The following QSOX2 variants were observed in gnomAD, a reference collection of about 807,000 sequenced individuals.
QSOX2 encodes the protein quiescin sulfhydryl oxidase 2, also known as sulfhydryl oxidase 2.
In QSOX2, 46 loss-of-function variants were observed where a neutral mutation model predicts 61.7. The ratio of observed to expected loss-of-function variants is 0.75; its 90% confidence interval spans 0.59 to 0.95. The LOEUF is 0.95. QSOX2 is among the 40% of genes least tolerant of loss of function. The probability of loss-of-function intolerance (pLI) is 0.00; values close to 1 mark genes in which losing one functional copy is unlikely to be tolerated. For missense variants in QSOX2, 879 were observed against 918.9 expected (o/e 0.96, Z 0.56); for synonymous variants, 383 against 388.4 (o/e 0.99, Z 0.16).
At chr9:136,215,908 C>T (rs889262637) in intron 9 of QSOX2, among the ~76,000 whole-genome samples, 2 of 152,204 alleles carry the variant, frequency 1.3e-5, no homozygotes, top group African/African-American at 4.8e-5. Context: ...CTCCCATGAC[C>T]TCGAGCTCGG....
rs966497517 is a variant in QSOX2, at chr9:136,223,504, T to C, written c.675+259A>G. Among the ~76,000 whole-genome samples, 1 of 152,094 alleles carries C rather than the reference T, an allele frequency of 6.6e-6. No individual in the cohort carries two copies. Among genetic ancestry groups the C allele is most frequent in the Non-Finnish European group, 1.5e-5 (1 of 68,018 alleles). On this transcript the variant is annotated intron_variant, in intron 5 of 11. Coordinates refer to ENST00000358701, the MANE Select transcript of QSOX2 (RefSeq NM_181701.4). The surrounding 1 kb of genome is among the most constrained non-coding windows in gnomAD (Gnocchi z 4.4). The stretch of plus-strand genomic sequence containing the variant: ...AAATGAGATCTTCTGCAAAGCCCCC[T>C]CTTAGTTTCAAACCTAGGGTTAGGC...
At chr9:136,219,002 G>C (rs760195182) in intron 7 of QSOX2, 28 bp downstream of exon 7, 1 of 1,613,080 alleles carries the variant, frequency 6.2e-7, no homozygotes. Context: ...ACTGTCTCCG[G>C]GGGCTTCAGT....
intron 1 of QSOX2, among the ~76,000 whole-genome samples, chr9:136,238,536 G>A (rs72775704): frequency 0.099 from 15,023 of 152,192 alleles, 1,027 homozygotes; most frequent in Admixed American, 0.18. Flanking sequence ...TTCCCGCCTC[G>A]CAATCCAGGC....
intron 2 of QSOX2, 21 bp downstream of exon 2, chr9:136,226,753 A>T: frequency 6.3e-7 from 1 of 1,593,180 alleles, no homozygotes; most frequent in Admixed American, 1.7e-5. Context: ...TTCAACGGAC[A>T]AGCAGCCGCG....
At position 136,222,033 on chromosome 9, in the gene QSOX2, T is replaced by C. The variant is rs553904641; in HGVS notation, c.676-92A>G. The C allele has an allele frequency of 7.6e-7, 1 of 1,324,002 alleles. No individual in the cohort carries two copies. Among genetic ancestry groups the C allele is most frequent in the Admixed American group, 2.7e-5 (1 of 36,896 alleles). 82.0% of individuals were successfully genotyped at this position (1,324,002 alleles called of 1,614,324 possible). On this transcript the variant is annotated intron_variant, in intron 5 of 11. Transcript: ENST00000358701. This position sits in a 1 kb window ranked among gnomAD's most constrained non-coding sequence, Gnocchi z 6.9. ...GACACATGGCCTTGCAGGGAACCTT[T>C]CACAAAAGGGCATGAAGTCTGTCCC... is the stretch of plus-strand genomic sequence containing the variant.
intron 8 of QSOX2, among the ~76,000 whole-genome samples, chr9:136,218,238 A>T (rs972109470): frequency 3.3e-5 from 5 of 152,120 alleles, no homozygotes; most frequent in Non-Finnish European, 5.9e-5. Flanking sequence ...TGAAGCTCCC[A>T]GGACCCCTCC....
Position 136,222,604 on chromosome 9 carries a change from G to A in QSOX2, c.676-663C>T, listed in dbSNP as rs1830229600. The stretch of plus-strand genomic sequence containing the variant: ...GCCGTGCCTCTCCTGAGCTGGGTGT[G>A]TCTGCGAAGAGCTGATCGCTACTCT... On this transcript the variant is annotated intron_variant, in intron 5 of 11. Coordinates refer to ENST00000358701, the MANE Select transcript of QSOX2 (RefSeq NM_181701.4). The surrounding 1 kb of genome is among the most constrained non-coding windows in gnomAD (Gnocchi z 6.9). Among the ~76,000 whole-genome samples, 1 of 152,238 alleles carries A rather than the reference G, an allele frequency of 6.6e-6. No individual in the cohort carries two copies. Among genetic ancestry groups the A allele is most frequent in the African/African-American group, 2.4e-5 (1 of 41,468 alleles).
At chr9:136,215,394 G>T (rs545266092) in intron 9 of QSOX2, 90 bp from the exon 10 acceptor site, 13 of 1,035,218 alleles carry the variant, frequency 1.3e-5, no homozygotes, top group South Asian at 1.6e-5. Context: ...TGACTGGGGG[G>T]GGTGGATAAT....
intron 6 of QSOX2, among the ~76,000 whole-genome samples, chr9:136,220,081 G>A (rs1831963011): frequency 6.6e-6 from 1 of 152,172 alleles, no homozygotes; most frequent in Admixed American, 6.5e-5. Context: ...GCCCAGGCTG[G>A]AGTGCAGTGG....
At chr9:136,237,228 T>C (rs1456658162) in intron 1 of QSOX2, among the ~76,000 whole-genome samples, 15 of 113,836 alleles carry the variant, frequency 1.3e-4, no homozygotes, top group East Asian at 3.1e-4. Context: ...ACTTGGAGCC[T>C]GTCCTGTGCC....
chr9:136,235,488 G>A (rs1353970138), intron 1 of QSOX2, among the ~76,000 whole-genome samples: 4 of 152,262 alleles, frequency 2.6e-5, no homozygotes, highest in East Asian at 1.9e-4. Flanking sequence ...TACGGAAGAC[G>A]AGGGGAAGCC....
At chr9:136,219,451 T>G (rs561164984) in intron 6 of QSOX2, among the ~76,000 whole-genome samples, 1 of 152,232 alleles carries the variant, frequency 6.6e-6, no homozygotes, top group South Asian at 2.1e-4. Context: ...TTTGTAAAGC[T>G]GGGTTGAGCA....
intron 10 of QSOX2, among the ~76,000 whole-genome samples, chr9:136,214,831 C>G (rs1564290118): frequency 6.6e-6 from 1 of 152,252 alleles, no homozygotes; most frequent in Non-Finnish European, 1.5e-5. Flanking sequence ...ACAGATTTCA[C>G]TTATTCTGTC....
Position 136,222,419 on chromosome 9 carries a change from G to C in QSOX2, c.676-478C>G, listed in dbSNP as rs1343816228. Among the ~76,000 whole-genome samples, 1 of 152,218 alleles carries C rather than the reference G, an allele frequency of 6.6e-6. No homozygotes were observed. Among genetic ancestry groups the C allele is most frequent in the Non-Finnish European group, 1.5e-5 (1 of 68,044 alleles). On this transcript the variant is annotated intron_variant, in intron 5 of 11. Transcript: ENST00000358701. This position sits in a 1 kb window ranked among gnomAD's most constrained non-coding sequence, Gnocchi z 6.9. ...GGGCAGCAACAGGGTCTCCGTGGCA[G>C]AGAGACCACAGGAGTGGCATCTCAG...
At chr9:136,241,177 C>T (rs973025442) in intron 1 of QSOX2, among the ~76,000 whole-genome samples, 12 of 152,198 alleles carry the variant, frequency 7.9e-5, no homozygotes, top group Admixed American at 5.2e-4. Context: ...GTGGTCGCCA[C>T]AGCGGGGCTA....
chr9:136,226,959 C>T (rs535284887), intron 1 of QSOX2, 85 bp from the exon 2 acceptor site: 98 of 1,110,860 alleles, frequency 8.8e-5, no homozygotes, highest in Middle Eastern at 2.0e-4. Context: ...CTCCAGGCTG[C>T]GGCCACCTGC....
intron 1 of QSOX2, among the ~76,000 whole-genome samples, chr9:136,239,727 G>A (rs1289512871): frequency 6.6e-6 from 1 of 152,222 alleles, no homozygotes; most frequent in Non-Finnish European, 1.5e-5. Context: ...GAAGGGGCAT[G>A]CGGGCACCCC....
At chr9:136,229,141 G>A (rs1830307925) in intron 1 of QSOX2, among the ~76,000 whole-genome samples, 2 of 152,214 alleles carry the variant, frequency 1.3e-5, no homozygotes, top group African/African-American at 4.8e-5. Context: ...TACCGTTCCC[G>A]CTTACGCTGG....
chr9:136,239,656 C>T lies in QSOX2; in HGVS notation c.328+5820G>A, dbSNP rs531069139. On this transcript the variant is annotated intron_variant, in intron 1 of 11. Coordinates refer to ENST00000358701, the MANE Select transcript of QSOX2 (RefSeq NM_181701.4). ...CCACCAGTCCGCAGGGGCAGCACCT[C>T]GACCTGCCTCAGTAGAGCTACGCTC... Among the ~76,000 whole-genome samples, 3 of 152,378 alleles carry T rather than the reference C, an allele frequency of 2.0e-5. No individual in the cohort carries two copies. In the South Asian group the frequency reaches 6.2e-4, roughly 32 times the overall value.
Sources: gnomAD v4.1 joint callset for allele counts (sites outside exome capture counted in the v4.1 genomes callset) on GRCh38, gnomAD v4.1.1 for gene constraint, Gnocchi (gnomAD v3.1) non-coding constraint, MANE v1.5 for transcripts, NCBI Gene and HGNC (gene_info 2026-07-23, HGNC 2026-07-21) for gene names.